The following DGKG variants were observed in gnomAD, a reference collection of about 807,000 sequenced individuals.
The protein encoded by DGKG is diacylglycerol kinase gamma, also known as DAG kinase gamma.
A neutral mutation model predicts 105.3 loss-of-function variants in DGKG; 78 were observed. The observed-to-expected ratio is 0.74, with a 90% CI of 0.62 to 0.89. DGKG has a LOEUF of 0.89. Ranked by LOEUF, DGKG falls within the 40% of genes least tolerant of loss-of-function variation. The probability of loss-of-function intolerance (pLI) is 0.00; values close to 1 mark genes in which losing one functional copy is unlikely to be tolerated. For missense variants in DGKG, 958 were observed against 1,020.1 expected, an observed-to-expected ratio of 0.94 and a Z score of 0.83; for synonymous variants, 346 against 367.1, an observed-to-expected ratio of 0.94 and a Z score of 0.66.
Position 186,288,746 on chromosome 3 carries a change from G to A in DGKG, c.508C>T (p.Leu170=). The A allele has an allele frequency of 6.2e-7, 1 of 1,614,204 alleles. No homozygotes were observed. ...TCCTGAGGCCTCCCCGTCTCCAGCA[G>A]GGACAGGTAGCACACAACATCCTTC... is the stretch of plus-strand genomic sequence containing the variant. ...YLKDVVCYLS[L]LETGRPQDKL... The change falls in exon 6 of 25, where the codon CTG becomes TTG. Residue 170 remains leucine (L), a synonymous_variant. Transcript: ENST00000265022.
Position 186,279,891 on chromosome 3 carries a change from G to A in DGKG, c.752C>T (p.Thr251Ile). ...SLQEWVHGGM[T>I]TIPLLVLLGM... ...CAGGAGGACCAGCAATGGGATGGTG[G>A]TCATCCCTCCATGGACCCATTCCTG... Residue 251 changes from threonine to isoleucine, a missense_variant, in exon 9 of 25, where the codon ACC becomes ATC. Physicochemically the swap from Thr to Ile is moderately conservative, Grantham distance 89. This residue lies in a region of DGKG where 643 missense variants were observed against 619.5 expected (regional missense o/e 1.04). Coordinates refer to ENST00000265022, the MANE Select transcript of DGKG (RefSeq NM_001346.3). The A allele has an allele frequency of 6.2e-7, 1 of 1,613,946 alleles. No homozygotes were observed. Among genetic ancestry groups the A allele is most frequent in the Non-Finnish European group, 8.5e-7 (1 of 1,179,886 alleles).
intron 19 of DGKG, among the ~76,000 whole-genome samples, chr3:186,243,946 G>C (rs1720813403): frequency 1.5e-5 from 2 of 131,168 alleles, no homozygotes; most frequent in African/African-American, 5.9e-5. Context: ...GCCCAGGCTG[G>C]AGTGCAGTGG....
Position 186,320,520 on chromosome 3 carries a change from T to C in DGKG, c.-61A>G. Reference sequence around the variant, plus strand: ...TGGAGTTTTGTTCACTAGGCTGAAGTGGAGGCCCAGCCCAGGGCCTGGCTC... The same window carrying C: ...TGGAGTTTTGTTCACTAGGCTGAAGCGGAGGCCCAGCCCAGGGCCTGGCTC... On this transcript the variant is annotated 5_prime_UTR_variant, in exon 2 of 25. Transcript: ENST00000265022. The C allele has an allele frequency of 1.2e-6, 2 of 1,613,592 alleles. No individual in the cohort carries two copies. The highest frequency in any genetic ancestry group is 1.7e-6 in the Non-Finnish European group (2 of 1,179,690).
chr3:186,176,801 T>C (rs912548231), intron 22 of DGKG, among the ~76,000 whole-genome samples: 2 of 152,220 alleles, frequency 1.3e-5, no homozygotes, highest in African/African-American at 2.4e-5. Context: ...GCTGGATAAA[T>C]AGACCTGAGG....
chr3:186,165,394 A>G (rs369458708), intron 22 of DGKG, among the ~76,000 whole-genome samples: 67 of 152,348 alleles, frequency 4.4e-4, no homozygotes, highest in Middle Eastern at 3.4e-3. Context: ...AGGAATGTTA[A>G]TGAGGGCCAT....
At chr3:186,166,454 T>C (rs1365244162) in intron 22 of DGKG, among the ~76,000 whole-genome samples, 2 of 152,206 alleles carry the variant, frequency 1.3e-5, no homozygotes, top group South Asian at 2.1e-4. Context: ...GTAATGTTTG[T>C]TTAGGAGAAT....
At chr3:186,158,573 A>T (rs1025042136) in intron 24 of DGKG, 1 of 939,500 alleles carries the variant, frequency 1.1e-6, no homozygotes, top group Non-Finnish European at 1.3e-6. Flanking sequence ...TTTGCCTTGT[A>T]AACTAGTTTA....
chr3:186,170,954 C>G (rs1716785212), intron 22 of DGKG, among the ~76,000 whole-genome samples: 1 of 152,212 alleles, frequency 6.6e-6, no homozygotes, highest in Non-Finnish European at 1.5e-5. Context: ...CATGTCCAGT[C>G]TTTCTTTGGG....
chr3:186,250,040 C>G (rs928999469), intron 19 of DGKG, among the ~76,000 whole-genome samples: 3 of 152,074 alleles, frequency 2.0e-5, no homozygotes, highest in Non-Finnish European at 4.4e-5. Context: ...GCATGTGAAA[C>G]TGGGCAGCAC....
intron 24 of DGKG, among the ~76,000 whole-genome samples, chr3:186,152,914 G>A (rs892244087): frequency 4.0e-5 from 6 of 150,888 alleles, no homozygotes; most frequent in African/African-American, 9.7e-5. Context: ...CGCCCGTGTC[G>A]GCCTCCCAAA....
chr3:186,222,366 A>C (rs1719626098), intron 20 of DGKG, among the ~76,000 whole-genome samples: 1 of 152,156 alleles, frequency 6.6e-6, no homozygotes, highest in Admixed American at 6.5e-5. Flanking sequence ...TTTTAGAGAG[A>C]GCTTACTGGA....
chr3:186,211,239 A>G (rs1719025551), intron 21 of DGKG, among the ~76,000 whole-genome samples: 1 of 152,212 alleles, frequency 6.6e-6, no homozygotes, highest in African/African-American at 2.4e-5. Flanking sequence ...GATGAAATCA[A>G]GGGCCCTTCT....
intron 5 of DGKG, among the ~76,000 whole-genome samples, 193 bp from the exon 6 acceptor site, chr3:186,289,073 G>A (rs1229335129): frequency 1.3e-5 from 2 of 152,120 alleles, no homozygotes; most frequent in Non-Finnish European, 2.9e-5. Flanking sequence ...TCTCTGAAGG[G>A]ATCCCATGCT....
chr3:186,193,762 T>A lies in DGKG; in HGVS notation c.1918-5383A>T, dbSNP rs1718028762. 3.3e-5 allele frequency among the ~76,000 whole-genome samples: 5 copies of A among 152,146 alleles called. 1 individual carries two copies. The highest frequency in any genetic ancestry group is 3.3e-4 in the Admixed American group (5 of 15,284). ...TTCCCGAGCTAAATCCTCCAACTGT[T>A]CCATGACGTCATCGGGCCCCCTCCC... On this transcript the variant is annotated intron_variant, in intron 21 of 24. Coordinates refer to ENST00000265022, the MANE Select transcript of DGKG (RefSeq NM_001346.3).
chr3:186,295,208 C>T (rs74941788), intron 5 of DGKG, among the ~76,000 whole-genome samples: 6,852 of 152,184 alleles, frequency 0.045, 509 homozygotes, highest in African/African-American at 0.15. Flanking sequence ...GTTTTATATA[C>T]ATTTAAAATA....
chr3:186,285,906 C>G (rs948338669), intron 6 of DGKG, among the ~76,000 whole-genome samples: 2 of 151,994 alleles, frequency 1.3e-5, no homozygotes, highest in African/African-American at 4.8e-5. Flanking sequence ...CTCAAACTCC[C>G]GACCTCAGAT....
intron 1 of DGKG, among the ~76,000 whole-genome samples, chr3:186,349,908 A>G (rs1188505351): frequency 3.3e-5 from 5 of 150,344 alleles, no homozygotes; most frequent in African/African-American, 7.4e-5. Flanking sequence ...TTTTTGAGAT[A>G]GGGTCTCACT....
intron 21 of DGKG, 66 bp from the exon 22 acceptor site, chr3:186,188,445 T>A: frequency 1.4e-6 from 2 of 1,461,570 alleles, no homozygotes; most frequent in Non-Finnish European, 1.9e-6. Flanking sequence ...AGGTGCTCTG[T>A]GTGTGTGCGT....
intron 22 of DGKG, among the ~76,000 whole-genome samples, chr3:186,178,254 A>G (rs1296271508): frequency 6.6e-6 from 1 of 152,196 alleles, no homozygotes; most frequent in African/African-American, 2.4e-5. Flanking sequence ...ACCAAATAGA[A>G]ACAGATCACA....
Sources: allele counts gnomAD v4.1 joint callset (sites outside exome capture counted in the v4.1 genomes callset), GRCh38; gene constraint gnomAD v4.1.1; regional missense constraint gnomAD v4.1.1; transcripts MANE v1.5; gene names NCBI Gene and HGNC (gene_info 2026-07-23, HGNC 2026-07-21).